EYS: variants seen among roughly 807,000 people sequenced by gnomAD.
EYS encodes the protein EGF-like photoreceptor maintenance factor.
In EYS, 250 loss-of-function variants were observed where a neutral mutation model predicts 282.1. The observed-to-expected ratio is 0.89, with a 90% CI of 0.80 to 0.98. The LOEUF (loss-of-function observed/expected upper bound fraction) is 0.98, where lower values mean the gene tolerates loss of function less well. EYS is among the 50% of genes least tolerant of loss of function. The probability of loss-of-function intolerance (pLI) is 0.00; values close to 1 mark genes in which losing one functional copy is unlikely to be tolerated. For missense variants in EYS, 4,016 were observed against 3,709.0 expected, an observed-to-expected ratio of 1.08 and a Z score of -2.15; for synonymous variants, 1,355 against 1,282.9, an observed-to-expected ratio of 1.06 and a Z score of -1.20.
intron 31 of EYS, among the ~76,000 whole-genome samples, chr6:64,115,337 C>A (rs933501112): frequency 6.6e-6 from 1 of 152,124 alleles, no homozygotes; most frequent in Non-Finnish European, 1.5e-5. Context: ...TGCTCCAAAT[C>A]CCAACTCTGT....
chr6:65,446,079 C>T (rs1477842366), intron 5 of EYS, among the ~76,000 whole-genome samples: 1 of 151,622 alleles, frequency 6.6e-6, no homozygotes, highest in African/African-American at 2.4e-5. Context: ...TTCAAAAACT[C>T]AGTGACTTTG....
At position 64,074,342 on chromosome 6, in the gene EYS, TATAAA is replaced by T. The variant is rs375288003; in HGVS notation, c.6571+7509_6571+7513del. The stretch of plus-strand genomic sequence containing the variant: ...ATATATATGTATATATAATTAGTCT[TATAAA>T]AAGAAATAATGAAATAAATATCACA... On this transcript the variant is annotated intron_variant, in intron 32 of 42. Coordinates refer to ENST00000503581, the MANE Select transcript of EYS (RefSeq NM_001142800.2). 5.3e-5 allele frequency among the ~76,000 whole-genome samples: 8 copies of T among 151,206 alleles called. No homozygotes were observed. In the East Asian group the frequency reaches 1.6e-3, roughly 29 times the overall value.
At chr6:65,203,179 C>T (rs568876171) in intron 12 of EYS, among the ~76,000 whole-genome samples, 1 of 152,292 alleles carries the variant, frequency 6.6e-6, no homozygotes, top group African/African-American at 2.4e-5. Flanking sequence ...CATCTACTGG[C>T]TAGGAGGTCA....
intron 1 of EYS, among the ~76,000 whole-genome samples, chr6:65,680,161 C>A (rs902821953): frequency 7.3e-5 from 11 of 151,224 alleles, no homozygotes; most frequent in Non-Finnish European, 1.0e-4. Flanking sequence ...AAGTTAAATT[C>A]ATTGTTTGAC....
chr6:63,848,994 C>T lies in EYS; in HGVS notation c.7228+15192G>A, dbSNP rs186560668. 2.1e-4 allele frequency among the ~76,000 whole-genome samples: 32 copies of T among 152,254 alleles called. No homozygotes were observed. In the East Asian group the frequency reaches 2.5e-3, roughly 12 times the overall value. On this transcript the variant is annotated intron_variant, in intron 36 of 42. Transcript: ENST00000503581. ...TCAACCTGGGATGCTTGAGCTTCGT[C>T]GGAGGAGGAGGGTTGTTCACCATTA...
intron 22 of EYS, among the ~76,000 whole-genome samples, chr6:64,784,231 T>C (rs1458000831): frequency 2.0e-5 from 3 of 152,084 alleles, no homozygotes; most frequent in Non-Finnish European, 2.9e-5. Flanking sequence ...TCATTGTTTA[T>C]TTTTTAAATT....
chr6:63,729,404 C>T (rs549214078), intron 41 of EYS, among the ~76,000 whole-genome samples: 11 of 152,072 alleles, frequency 7.2e-5, no homozygotes, highest in African/African-American at 2.6e-4. Context: ...AACTCAAAGT[C>T]ATCTAGATTT....
At chr6:65,004,881 GC>G (rs1400224060) in intron 13 of EYS, among the ~76,000 whole-genome samples, 2 of 147,748 alleles carry the variant, frequency 1.4e-5, no homozygotes, top group Non-Finnish European at 3.0e-5. Context: ...CCAGCAGGTA[GC>G]AATGATAAGT....
chr6:64,169,156 A>T (rs1764395731), intron 31 of EYS, among the ~76,000 whole-genome samples: 1 of 152,200 alleles, frequency 6.6e-6, no homozygotes, highest in African/African-American at 2.4e-5. Context: ...CACCTAGAAC[A>T]GTTTCTACTA....
At chr6:64,585,012 C>T (rs1314464084) in intron 26 of EYS, among the ~76,000 whole-genome samples, 3 of 152,038 alleles carry the variant, frequency 2.0e-5, no homozygotes, top group Admixed American at 6.6e-5. Flanking sequence ...ACTAAAAAGA[C>T]ACATACATTT....
chr6:64,034,730 G>A (rs770206871), intron 33 of EYS, among the ~76,000 whole-genome samples: 1 of 152,094 alleles, frequency 6.6e-6, no homozygotes, highest in Non-Finnish European at 1.5e-5. Context: ...GTCAAAGGAA[G>A]CAGAGTTATT....
chr6:65,117,827 G>A (rs1049627232), intron 12 of EYS, among the ~76,000 whole-genome samples: 1 of 152,182 alleles, frequency 6.6e-6, no homozygotes, highest in Admixed American at 6.5e-5. Flanking sequence ...ACTGATAGAT[G>A]TCCTAGAGAT....
chr6:64,269,798 A>AT (rs1316074596), intron 30 of EYS, among the ~76,000 whole-genome samples: 2 of 152,030 alleles, frequency 1.3e-5, no homozygotes, highest in African/African-American at 4.8e-5. Flanking sequence ...ATATTTTTAT[A>AT]TTTTTAATAC....
intron 12 of EYS, among the ~76,000 whole-genome samples, chr6:65,166,897 C>G (rs2150224936): frequency 6.6e-6 from 1 of 151,072 alleles, no homozygotes; most frequent in African/African-American, 2.4e-5. Flanking sequence ...TACAGTTCTT[C>G]CAAAGAAATA....
In EYS at chr6:63,853,702, C is replaced by T. The variant is rs184013383; in HGVS notation, c.7228+10484G>A. ...ACAATCCTAAGCAAAAAGAACAAAG[C>T]TGGAGGCATCACACTACCTGACTTC... On this transcript the variant is annotated intron_variant, in intron 36 of 42. Transcript: ENST00000503581. Among the ~76,000 whole-genome samples, 355 of 152,228 alleles carry T rather than the reference C, an allele frequency of 2.3e-3. 1 individual carries two copies. Among genetic ancestry groups the T allele is most frequent in the African/African-American group, 8.2e-3 (341 of 41,538 alleles).
At chr6:64,240,270 G>GT (rs936761474) in intron 30 of EYS, among the ~76,000 whole-genome samples, 2 of 152,084 alleles carry the variant, frequency 1.3e-5, no homozygotes, top group Admixed American at 6.6e-5. Flanking sequence ...ATTTAAAGCA[G>GT]TTTTTTTCCA....
chr6:64,394,938 A>T (rs955045546), intron 28 of EYS, among the ~76,000 whole-genome samples: 1 of 152,224 alleles, frequency 6.6e-6, no homozygotes, highest in Non-Finnish European at 1.5e-5. Flanking sequence ...TTTACAAGAA[A>T]AAAACAAACA....
At chr6:64,499,162 C>T (rs1420248677) in intron 26 of EYS, among the ~76,000 whole-genome samples, 2 of 152,042 alleles carry the variant, frequency 1.3e-5, no homozygotes, top group East Asian at 1.9e-4. Context: ...TTCTAACTGG[C>T]GTGAGATGGT....
intron 33 of EYS, among the ~76,000 whole-genome samples, chr6:64,023,790 T>C (rs1459391992): frequency 6.6e-6 from 1 of 152,042 alleles, no homozygotes; most frequent in Non-Finnish European, 1.5e-5. Context: ...CAGGCGCGGG[T>C]GGGAACTGGG....
Sources: gnomAD v4.1 joint callset for allele counts (sites outside exome capture counted in the v4.1 genomes callset) on GRCh38, gnomAD v4.1.1 for gene constraint, MANE v1.5 for transcripts, NCBI Gene and HGNC (gene_info 2026-07-23, HGNC 2026-07-21) for gene names.